The following CTNNA2 variants were observed in gnomAD, a reference collection of about 807,000 sequenced individuals.
The protein encoded by CTNNA2 is catenin alpha 2.
A neutral mutation model predicts 101.0 loss-of-function variants in CTNNA2; 42 were observed. That is an observed-to-expected ratio of 0.42 (90% CI 0.32 to 0.54). The LOEUF (loss-of-function observed/expected upper bound fraction) is 0.54. CTNNA2 is among the 20% of genes least tolerant of loss of function. The pLI, the probability that CTNNA2 is intolerant of heterozygous loss-of-function variation, is 0.14. For synonymous variants in CTNNA2, 450 were observed against 456.4 expected, an observed-to-expected ratio of 0.99 and a Z score of 0.18; for missense variants, 871 against 1,223.1, an observed-to-expected ratio of 0.71 and a Z score of 4.29.
intron 2 of CTNNA2, among the ~76,000 whole-genome samples, chr2:79,665,572 A>G (rs1044181873): frequency 1.3e-5 from 2 of 152,230 alleles, no homozygotes; most frequent in Non-Finnish European, 2.9e-5. Flanking sequence ...AAGGCAAGAC[A>G]CCAAGTTAAG....
chr2:79,271,495 T>C (rs1202827687), intron 2 of CTNNA2, among the ~76,000 whole-genome samples: 3 of 152,098 alleles, frequency 2.0e-5, no homozygotes, highest in Admixed American at 1.3e-4. Context: ...AATAACAATT[T>C]ATTCCTTATG....
chr2:79,810,699 C>T (rs973449176), intron 3 of CTNNA2, among the ~76,000 whole-genome samples: 6 of 151,492 alleles, frequency 4.0e-5, no homozygotes, highest in Non-Finnish European at 8.8e-5. Flanking sequence ...CACAACAGGC[C>T]CTGGTGTGTG....
intron 2 of CTNNA2, among the ~76,000 whole-genome samples, chr2:79,688,329 T>G (rs1684072641): frequency 6.6e-6 from 1 of 152,028 alleles, no homozygotes; most frequent in African/African-American, 2.4e-5. Flanking sequence ...TATATTGGAA[T>G]TATGAGACAT....
chr2:79,672,475 A>G (rs1400434465), intron 2 of CTNNA2, among the ~76,000 whole-genome samples: 1 of 152,178 alleles, frequency 6.6e-6, no homozygotes, highest in South Asian at 2.1e-4. Flanking sequence ...AATGCCATGA[A>G]AAAAGAAAAG....
chr2:79,564,303 T>C (rs1674974183), intron 1 of CTNNA2, among the ~76,000 whole-genome samples: 1 of 151,176 alleles, frequency 6.6e-6, no homozygotes, highest in Admixed American at 6.6e-5. Context: ...TTAAAGTATA[T>C]TATATATTTT....
chr2:79,722,008 A>G (rs1686522344), intron 2 of CTNNA2, among the ~76,000 whole-genome samples: 1 of 152,206 alleles, frequency 6.6e-6, no homozygotes, highest in Non-Finnish European at 1.5e-5. Flanking sequence ...ATATTTCTCA[A>G]TATTTTACTT....
intron 2 of CTNNA2, among the ~76,000 whole-genome samples, chr2:79,717,179 T>A (rs1686164532): frequency 6.6e-6 from 1 of 151,756 alleles, no homozygotes; most frequent in Non-Finnish European, 1.5e-5. Flanking sequence ...TGGCACTATT[T>A]AAATTTTTAA....
chr2:79,755,102 G>A (rs1247976764), intron 3 of CTNNA2, among the ~76,000 whole-genome samples: 1 of 152,018 alleles, frequency 6.6e-6, no homozygotes, highest in East Asian at 1.9e-4. Flanking sequence ...AAGGTGGGAG[G>A]ATTGCTTGAG....
intron 2 of CTNNA2, among the ~76,000 whole-genome samples, chr2:79,654,104 C>T (rs1452151840): frequency 1.3e-5 from 2 of 152,130 alleles, no homozygotes; most frequent in Non-Finnish European, 1.5e-5. Context: ...GAGCCTTTAA[C>T]CAAATCTTTA....
At chr2:79,577,742 A>G (rs1445529519) in intron 1 of CTNNA2, among the ~76,000 whole-genome samples, 1 of 152,044 alleles carries the variant, frequency 6.6e-6, no homozygotes, top group Non-Finnish European at 1.5e-5. Context: ...GGTGTTGCCA[A>G]CTCAATAGTG....
chr2:80,379,304 G>A (rs918899749), intron 7 of CTNNA2, among the ~76,000 whole-genome samples: 1 of 152,138 alleles, frequency 6.6e-6, no homozygotes, highest in South Asian at 2.1e-4. Context: ...AACCTTATTT[G>A]ATGTCTACAG....
At chr2:79,412,190 G>C (rs1168738876) in intron 4 of CTNNA2, among the ~76,000 whole-genome samples, 1 of 152,084 alleles carries the variant, frequency 6.6e-6, no homozygotes, top group Admixed American at 6.6e-5. Flanking sequence ...AACAAGAAGA[G>C]CTAACTATCC....
At chr2:80,435,255 A>G (rs939993516) in intron 9 of CTNNA2, among the ~76,000 whole-genome samples, 10 of 152,214 alleles carry the variant, frequency 6.6e-5, no homozygotes, top group African/African-American at 2.4e-4. Flanking sequence ...GTTCATTTGG[A>G]ACACACATTA....
At chr2:79,772,934 C>A (rs1673698224) in intron 3 of CTNNA2, among the ~76,000 whole-genome samples, 1 of 152,188 alleles carries the variant, frequency 6.6e-6, no homozygotes, top group Admixed American at 6.5e-5. Flanking sequence ...GTAGCATTTT[C>A]AGTTGTTCTA....
chr2:79,825,201 G>C (rs200370287), intron 3 of CTNNA2, among the ~76,000 whole-genome samples: 1 of 152,118 alleles, frequency 6.6e-6, no homozygotes, highest in Non-Finnish European at 1.5e-5. Context: ...TAGGATTGTT[G>C]TTGATGGCAT....
In CTNNA2 at chr2:80,238,861, G is replaced by C. The variant is rs116352792; in HGVS notation, c.1057-154350G>C. Among the ~76,000 whole-genome samples, 1,413 of 152,272 alleles carry C rather than the reference G, an allele frequency of 9.3e-3. 23 individuals carry two copies. The highest frequency in any genetic ancestry group is 0.032 in the African/African-American group (1,341 of 41,542). ...GAATTCACGCCACAGGGATAAATCAGATCAATTACTACCGGCCACCTAGTG... is the reference window on the plus strand; with the variant it reads ...GAATTCACGCCACAGGGATAAATCACATCAATTACTACCGGCCACCTAGTG... On this transcript the variant is annotated intron_variant, in intron 7 of 18. Coordinates refer to ENST00000402739, the MANE Select transcript of CTNNA2 (RefSeq NM_001282597.3).
intron 12 of CTNNA2, among the ~76,000 whole-genome samples, chr2:80,561,927 C>T (rs1421982315): frequency 2.0e-5 from 3 of 151,380 alleles, no homozygotes; most frequent in Admixed American, 1.3e-4. Flanking sequence ...CTGCCTACCT[C>T]GGCCTCTCAA....
At chr2:79,405,404 C>A (rs1159452639) in intron 4 of CTNNA2, among the ~76,000 whole-genome samples, 1 of 152,086 alleles carries the variant, frequency 6.6e-6, no homozygotes, top group African/African-American at 2.4e-5. Flanking sequence ...AGGCTCACTG[C>A]AATCTCCACC....
chr2:79,360,210 C>T (rs1004831242), intron 3 of CTNNA2, among the ~76,000 whole-genome samples: 6 of 152,054 alleles, frequency 3.9e-5, no homozygotes, highest in Non-Finnish European at 8.8e-5. Context: ...TTCTATCCTA[C>T]GAGTGCCATT....
Sources: allele counts gnomAD v4.1 joint callset (sites outside exome capture counted in the v4.1 genomes callset), GRCh38; gene constraint gnomAD v4.1.1; transcripts MANE v1.5; gene names NCBI Gene and HGNC (gene_info 2026-07-23, HGNC 2026-07-21).